Variants in FLT1 observed in about 807,000 individuals in gnomAD.
The protein encoded by FLT1 is fms related receptor tyrosine kinase 1.
Under a neutral mutation model 156.3 loss-of-function variants are expected in FLT1, and 49 were observed. That is an observed-to-expected ratio of 0.31 (90% CI 0.25 to 0.40). The LOEUF (loss-of-function observed/expected upper bound fraction) is 0.40, where lower values mean the gene tolerates loss of function less well. Ranked by LOEUF, FLT1 falls within the 10% of genes least tolerant of loss-of-function variation. FLT1 has a pLI of 1.00. For missense variants in FLT1, 1,322 were observed against 1,637.2 expected, an observed-to-expected ratio of 0.81 and a Z score of 3.32; for synonymous variants, 594 against 583.8, an observed-to-expected ratio of 1.02 and a Z score of -0.25.
At chr13:28,459,788 T>C (rs920277026) in intron 3 of FLT1, among the ~76,000 whole-genome samples, 2 of 152,274 alleles carry the variant, frequency 1.3e-5, no homozygotes, top group Non-Finnish European at 2.9e-5. Context: ...CATGAAATTA[T>C]AGTGATTCCA....
At chr13:28,359,733 A>T (rs766414192) in intron 14 of FLT1, among the ~76,000 whole-genome samples, 6 of 152,256 alleles carry the variant, frequency 3.9e-5, no homozygotes, top group Non-Finnish European at 7.3e-5. Context: ...AAAGAAATCA[A>T]ATAGACATTT....
At chr13:28,347,663 G>C (rs1351895773) in intron 15 of FLT1, among the ~76,000 whole-genome samples, 1 of 152,200 alleles carries the variant, frequency 6.6e-6, no homozygotes, top group Non-Finnish European at 1.5e-5. Context: ...TTGGAGCCAA[G>C]GTTTCCTGCC....
At chr13:28,413,996 T>G (rs934251396) in intron 10 of FLT1, among the ~76,000 whole-genome samples, 1 of 152,186 alleles carries the variant, frequency 6.6e-6, no homozygotes, top group African/African-American at 2.4e-5. Flanking sequence ...ATTCTAAAAT[T>G]TTGTCCTTAG....
chr13:28,407,518 A>C (rs569040250), intron 10 of FLT1, among the ~76,000 whole-genome samples: 1 of 152,302 alleles, frequency 6.6e-6, no homozygotes, highest in East Asian at 1.9e-4. Context: ...AAAATGAGCA[A>C]ATTTTTCCAA....
In FLT1 at chr13:28,494,871, G is replaced by C. The variant is rs1227414613; in HGVS notation, c.-28C>G. On this transcript the variant is annotated 5_prime_UTR_variant, in exon 1 of 30. Transcript: ENST00000282397. Reference sequence around the variant, plus strand: ...TGAGCGCGACGCGGCCTGCTCGCCCGGTGCCCGCGCTCCCCGCGGCCAACG... The same window carrying C: ...TGAGCGCGACGCGGCCTGCTCGCCCCGTGCCCGCGCTCCCCGCGGCCAACG... 1.3e-6 allele frequency: 2 copies of C among 1,516,038 alleles called. No individual in the cohort carries two copies. Among genetic ancestry groups the C allele is most frequent in the Non-Finnish European group, 1.8e-6 (2 of 1,135,826 alleles). 93.9% of individuals were successfully genotyped at this position (1,516,038 alleles called of 1,614,324 possible).
At chr13:28,476,707 G>A (rs1367302747) in intron 1 of FLT1, among the ~76,000 whole-genome samples, 4 of 152,116 alleles carry the variant, frequency 2.6e-5, no homozygotes, top group South Asian at 4.1e-4. Context: ...AAATAGTCAC[G>A]TATATAGCAT....
rs1199135153 is a variant in FLT1 at position 28,322,487 on chromosome 13, T to C, written c.2954-128A>G. The C allele has an allele frequency of 2.6e-6, 2 of 760,594 alleles. No homozygotes were observed. The highest frequency in any genetic ancestry group is 1.5e-5 in the South Asian group (1 of 68,332). The allele number at this position is 760,594 out of a possible 1,614,324, so 47.1% of individuals were successfully genotyped here. ...GTAGATCAGAGTTCATTTTTAAGAG[T>C]ATTTGAGTTTCAACATGAACACCAG... is the stretch of plus-strand genomic sequence containing the variant. On this transcript the variant is annotated intron_variant, in intron 21 of 29. Coordinates refer to ENST00000282397, the MANE Select transcript of FLT1 (RefSeq NM_002019.4). This position sits in a 1 kb window ranked among gnomAD's most constrained non-coding sequence, Gnocchi z 4.3.
chr13:28,316,748 C>T (rs985390948), intron 25 of FLT1, among the ~76,000 whole-genome samples: 6 of 151,162 alleles, frequency 4.0e-5, no homozygotes, highest in African/African-American at 1.5e-4. Flanking sequence ...AAGTGATTCT[C>T]ATGCCTCAGC....
chr13:28,305,382 C>G lies in FLT1; in HGVS notation c.3815+1296G>C, dbSNP rs116986561. Among the ~76,000 whole-genome samples, 167 of 152,278 alleles carry G rather than the reference C, an allele frequency of 1.1e-3. 2 individuals are homozygous for G. In the East Asian group the frequency reaches 0.02, roughly 19 times the overall value. The stretch of plus-strand genomic sequence containing the variant: ...GGGACTACAGGCACATGCCAGCACA[C>G]CCCGGCTAATTTCTGTAGTTTTAGT... On this transcript the variant is annotated intron_variant, in intron 29 of 29. Transcript: ENST00000282397.
In FLT1 at chr13:28,416,265, G is replaced by A. The variant is rs576663474; in HGVS notation, c.1437-10371C>T. 2.6e-5 allele frequency among the ~76,000 whole-genome samples: 4 copies of A among 152,174 alleles called. No individual in the cohort carries two copies. The South Asian group carries it at 6.2e-4, about 24-fold the overall frequency. On this transcript the variant is annotated intron_variant, in intron 10 of 29. Coordinates refer to ENST00000282397, the MANE Select transcript of FLT1 (RefSeq NM_002019.4). The stretch of plus-strand genomic sequence containing the variant: ...CCAGGACTCAGGCAACAGAGCCCAC[G>A]TCCTTAAACTCTAAACTATGTTGCA...
intron 1 of FLT1, among the ~76,000 whole-genome samples, chr13:28,478,751 T>C (rs1247773097): frequency 6.6e-6 from 1 of 152,180 alleles, no homozygotes; most frequent in Non-Finnish European, 1.5e-5. Flanking sequence ...CACATTTTTG[T>C]ATAATAAAAT....
Position 28,329,700 on chromosome 13 carries a change from A to G in FLT1, c.2622T>C (p.Ala874=), listed in dbSNP as rs1309244687. 6 of 1,614,164 alleles carry G rather than the reference A, an allele frequency of 3.7e-6. No homozygotes were observed. Among genetic ancestry groups the G allele is most frequent in the Non-Finnish European group, 5.1e-6 (6 of 1,180,028 alleles). ...TCAAGATTTTTAGCTCAGTCATCAG[A>G]GCTTTGTACTCGCTGGCCGTGGCCC... ...KEGATASEYK[A]LMTELKILTH... The change falls in exon 19 of 30, where the codon GCT becomes GCC. Residue 874 remains alanine, a synonymous_variant. Transcript: ENST00000282397.
intron 16 of FLT1, among the ~76,000 whole-genome samples, chr13:28,344,492 C>G (rs527341557): frequency 6.6e-6 from 1 of 152,234 alleles, no homozygotes; most frequent in African/African-American, 2.4e-5. Flanking sequence ...CCTCCAGCAT[C>G]TGCCCCACTG....
At chr13:28,303,492 ACCC>A in intron 29 of FLT1, 124 bp from the exon 30 acceptor site, 1 of 644,386 alleles carries the variant, frequency 1.6e-6, no homozygotes, top group Non-Finnish European at 2.7e-6. Flanking sequence ...TGGTTTTGGA[ACCC>A]CCCCCCCCTC....
intron 3 of FLT1, 33 bp downstream of exon 3, chr13:28,466,870 A>T (rs3751398): frequency 0.06 from 89,456 of 1,482,232 alleles, 3,182 homozygotes; most frequent in South Asian, 0.11. Context: ...TGCAAAGCAA[A>T]AGCAAACAGA....
At chr13:28,417,843 G>A (rs1876750214) in intron 10 of FLT1, among the ~76,000 whole-genome samples, 1 of 151,658 alleles carries the variant, frequency 6.6e-6, no homozygotes, top group Non-Finnish European at 1.5e-5. Context: ...TGCCGAGGCT[G>A]AAATTAGCAG....
intron 14 of FLT1, among the ~76,000 whole-genome samples, chr13:28,383,730 G>A (rs1253647933): frequency 1.3e-5 from 2 of 152,008 alleles, no homozygotes; most frequent in African/African-American, 2.4e-5. Context: ...TTGAGAGGCC[G>A]AGGCATGACA....
chr13:28,313,125 C>T (rs953082984), intron 25 of FLT1, among the ~76,000 whole-genome samples: 18 of 152,092 alleles, frequency 1.2e-4, no homozygotes, highest in Middle Eastern at 3.4e-3. Flanking sequence ...ATCACAGGCA[C>T]CCACCACCAC....
chr13:28,319,062 G>T (rs1444854205), intron 24 of FLT1, among the ~76,000 whole-genome samples: 2 of 152,172 alleles, frequency 1.3e-5, no homozygotes, highest in Non-Finnish European at 2.9e-5. Flanking sequence ...GGGAGACGCG[G>T]GGAGGGAAGC....
Sources: gnomAD v4.1 joint callset for allele counts (sites outside exome capture counted in the v4.1 genomes callset) on GRCh38, gnomAD v4.1.1 for gene constraint, Gnocchi (gnomAD v3.1) non-coding constraint, MANE v1.5 for transcripts, NCBI Gene and HGNC (gene_info 2026-07-23, HGNC 2026-07-21) for gene names.